POLN: variants seen among roughly 807,000 people sequenced by gnomAD.
POLN encodes DNA polymerase nu, also known as DNA polymerase N.
In POLN, 108 loss-of-function variants were observed where a neutral mutation model predicts 113.5. The ratio of observed to expected loss-of-function variants is 0.95; its 90% CI spans 0.81 to 1.12. POLN has a LOEUF of 1.12. POLN is among the 50% of genes most tolerant of loss of function. The probability of loss-of-function intolerance (pLI) is 0.00; values close to 1 mark genes in which losing one functional copy is unlikely to be tolerated. For synonymous variants in POLN, 386 were observed against 391.5 expected, an observed-to-expected ratio of 0.99 and a Z score of 0.17; for missense variants, 1,097 against 1,077.1, an observed-to-expected ratio of 1.02 and a Z score of -0.26.
chr4:2,219,098 C>T (rs577907193), intron 3 of POLN, among the ~76,000 whole-genome samples: 2 of 152,288 alleles, frequency 1.3e-5, no homozygotes, highest in East Asian at 1.9e-4. Context: ...GGAGCCAGTA[C>T]CTGAGGGTTC....
chr4:2,164,525 G>C (rs1732679421), intron 13 of POLN, among the ~76,000 whole-genome samples: 2 of 147,172 alleles, frequency 1.4e-5, no homozygotes, highest in African/African-American at 2.5e-5. Context: ...AAAAAAGGCT[G>C]GGTGTGGTGG....
chr4:2,086,060 G>T (rs1408542707), intron 20 of POLN, among the ~76,000 whole-genome samples: 1 of 152,218 alleles, frequency 6.6e-6, no homozygotes, highest in African/African-American at 2.4e-5. Context: ...GTTAGAGTGG[G>T]GCACAGAGGA....
intron 4 of POLN, 28 bp downstream of exon 4, chr4:2,213,019 A>G: frequency 6.6e-7 from 1 of 1,508,362 alleles, no homozygotes; most frequent in Non-Finnish European, 9.1e-7. Context: ...TTATCTATTT[A>G]AAATTACTCA....
rs547012326 is a variant in POLN, at chr4:2,150,733, G to T, written c.1731+6055C>A. 4.6e-5 allele frequency among the ~76,000 whole-genome samples: 7 copies of T among 152,254 alleles called. No homozygotes were observed. The South Asian group carries it at 1.5e-3, about 32-fold the overall frequency. On this transcript the variant is annotated intron_variant, in intron 16 of 25. Transcript: ENST00000511885. ...GACAAAGGCGCCAAGGTAATTAAAT[G>T]GGAGGAAAGATGGTCTTTTCAAGAA... is the stretch of plus-strand genomic sequence containing the variant.
chr4:2,165,897 C>G (rs558478068), intron 13 of POLN, among the ~76,000 whole-genome samples: 3 of 152,192 alleles, frequency 2.0e-5, no homozygotes, highest in East Asian at 1.9e-4. Flanking sequence ...CCACCTCAGC[C>G]TCACGAATAG....
intron 20 of POLN, among the ~76,000 whole-genome samples, chr4:2,086,923 C>A (rs1007880937): frequency 6.6e-6 from 1 of 152,222 alleles, no homozygotes; most frequent in Non-Finnish European, 1.5e-5. Context: ...CAGGGAAGAA[C>A]CCTCTGGAGG....
At chr4:2,116,626 T>C (rs1731324810) in intron 19 of POLN, among the ~76,000 whole-genome samples, 1 of 151,664 alleles carries the variant, frequency 6.6e-6, no homozygotes, top group South Asian at 2.1e-4. Flanking sequence ...CAGAGAAAGA[T>C]GTAGGGGAAC....
intron 3 of POLN, among the ~76,000 whole-genome samples, chr4:2,226,197 A>C (rs1734387213): frequency 6.6e-6 from 1 of 152,186 alleles, no homozygotes; most frequent in African/African-American, 2.4e-5. Flanking sequence ...CCAGAGAAGC[A>C]GGCAGGCTGT....
At chr4:2,131,076 C>T (rs181130396) in intron 17 of POLN, among the ~76,000 whole-genome samples, 157 bp downstream of exon 17, 1 of 152,090 alleles carries the variant, frequency 6.6e-6, no homozygotes, top group African/African-American at 2.4e-5. Context: ...GCCCAGCTAC[C>T]CAGGAGATTG....
rs771523440 is a variant in POLN at position 2,179,446 on chromosome 4, T to C, written c.1041A>G (p.Leu347=). 3.7e-6 allele frequency: 6 copies of C among 1,613,544 alleles called. No homozygotes were observed. The highest frequency in any genetic ancestry group is 5.1e-6 in the Non-Finnish European group (6 of 1,179,822). Residue 347 remains leucine (L), a synonymous_variant, in exon 8 of 26, where the codon CTA becomes CTG. Transcript: ENST00000511885. ...TAAGCCATGCAGCAATTCTGGGATC[T>C]AGCCCTATAAAATCAGCAACTGAAG... ...SWKHVADFIG[L]DPRIAAWLID...
chr4:2,147,767 C>T (rs1007437800), intron 16 of POLN, among the ~76,000 whole-genome samples: 27 of 151,638 alleles, frequency 1.8e-4, no homozygotes, highest in African/African-American at 5.3e-4. Flanking sequence ...CTCAGCCTCC[C>T]GAGTAGCTGG....
Position 2,079,310 on chromosome 4 carries a change from T to G in POLN, c.2387+1648A>C, listed in dbSNP as rs545373039. The G allele has an allele frequency of 5.0e-5, 32 of 646,118 alleles. No individual in the cohort carries two copies. In the South Asian group the frequency reaches 1.9e-3, roughly 39 times the overall value. 40.0% of individuals were successfully genotyped at this position (646,118 alleles called of 1,614,324 possible). A position where few individuals can be genotyped will look rare whatever the true frequency, so the allele number is the denominator to read the frequency against. ...TTTCAGTTCCTGCCAAGACGGAAAC[T>G]AGCACAAGCTGCTCATATCCTGGGA... is the stretch of plus-strand genomic sequence containing the variant. On this transcript the variant is annotated intron_variant, in intron 23 of 25. Transcript: ENST00000511885.
chr4:2,097,076 C>T (rs1366953702), intron 19 of POLN, among the ~76,000 whole-genome samples: 1 of 152,184 alleles, frequency 6.6e-6, no homozygotes, highest in Non-Finnish European at 1.5e-5. Flanking sequence ...ATTTTTAGCT[C>T]CAGGAAGCTG....
chr4:2,189,944 G>T (rs1733397095), intron 7 of POLN, among the ~76,000 whole-genome samples: 1 of 147,768 alleles, frequency 6.8e-6, no homozygotes, highest in Non-Finnish European at 1.5e-5. Flanking sequence ...AGAATCACTT[G>T]AACCCAGGAG....
At chr4:2,098,150 A>ATGCC (rs1730841063) in intron 19 of POLN, among the ~76,000 whole-genome samples, 2 of 152,356 alleles carry the variant, frequency 1.3e-5, no homozygotes, top group Non-Finnish European at 2.9e-5. Flanking sequence ...GCAGTGGCTC[A>ATGCC]TGCCTGTAAT....
intron 16 of POLN, among the ~76,000 whole-genome samples, chr4:2,154,891 CAT>C (rs747687481): frequency 1.7e-4 from 26 of 152,278 alleles, no homozygotes; most frequent in South Asian, 4.1e-4. Context: ...GCTGAATGCA[CAT>C]GTTATGTTTA....
intron 20 of POLN, chr4:2,089,389 A>G: frequency 7.2e-7 from 1 of 1,382,118 alleles, no homozygotes; most frequent in Non-Finnish European, 9.9e-7. Flanking sequence ...TCCCAAACTT[A>G]GATCTGTGAA....
In POLN at chr4:2,219,371, C is replaced by T. The variant is rs908696772; in HGVS notation, c.134-6245G>A. Among the ~76,000 whole-genome samples, 5 of 152,182 alleles carry T rather than the reference C, an allele frequency of 3.3e-5. No individual in the cohort carries two copies. The East Asian group carries it at 9.6e-4, about 29-fold the overall frequency. ...GGCGGAAAGACAGGAAAAATAACTG[C>T]CATATACACTCACTATGGTGTTGCA... On this transcript the variant is annotated intron_variant, in intron 3 of 25. Transcript: ENST00000511885.
chr4:2,212,037 T>A (rs1029563595), intron 4 of POLN, among the ~76,000 whole-genome samples: 2 of 152,058 alleles, frequency 1.3e-5, no homozygotes, highest in East Asian at 3.9e-4. Flanking sequence ...CAGGGGCAAA[T>A]AATCATCCCA....
Sources: allele counts gnomAD v4.1 joint callset (sites outside exome capture counted in the v4.1 genomes callset), GRCh38; gene constraint gnomAD v4.1.1; transcripts MANE v1.5; gene names NCBI Gene and HGNC (gene_info 2026-07-23, HGNC 2026-07-21).